KIAA0586: variants seen among roughly 807,000 people sequenced by gnomAD.
KIAA0586 encodes the protein protein TALPID3.
Under a neutral mutation model 169.8 loss-of-function variants are expected in KIAA0586, and 144 were observed. The observed-to-expected ratio is 0.85, with a 90% CI of 0.74 to 0.97. The LOEUF (loss-of-function observed/expected upper bound fraction) is 0.97. Ranked by LOEUF, KIAA0586 falls within the 50% of genes least tolerant of loss-of-function variation. KIAA0586 has a pLI of 0.00. For missense variants in KIAA0586, 1,854 were observed against 1,823.0 expected (o/e 1.02, Z -0.31); for synonymous variants, 625 against 612.4 (o/e 1.02, Z -0.30).
intron 29 of KIAA0586, among the ~76,000 whole-genome samples, chr14:58,532,971 C>T (rs1316441514): frequency 6.6e-6 from 1 of 152,178 alleles, no homozygotes; most frequent in Non-Finnish European, 1.5e-5. Context: ...CACTTGTCAG[C>T]TCAGAATGGT....
At chr14:58,440,050 T>TTG (rs2038176895) in intron 4 of KIAA0586, 1 of 106,302 alleles carries the variant, frequency 9.4e-6, no homozygotes, top group African/African-American at 3.7e-5. Flanking sequence ...TAATTTTTAA[T>TTG]TTTTTTTTTT....
intron 4 of KIAA0586, among the ~76,000 whole-genome samples, chr14:58,434,656 A>G (rs1595076169): frequency 6.6e-6 from 1 of 152,346 alleles, no homozygotes; most frequent in Non-Finnish European, 1.5e-5. Flanking sequence ...ATGTTAAAAG[A>G]TTAATACACA....
At chr14:58,431,030 G>A (rs551813803) in intron 3 of KIAA0586, among the ~76,000 whole-genome samples, 5 of 152,248 alleles carry the variant, frequency 3.3e-5, no homozygotes, top group South Asian at 2.1e-4. Context: ...TTAGCATAAT[G>A]TTTTAAAGGT....
At chr14:58,536,364 G>A (rs931422674) in intron 29 of KIAA0586, among the ~76,000 whole-genome samples, 5 of 151,988 alleles carry the variant, frequency 3.3e-5, no homozygotes, top group African/African-American at 7.3e-5. Flanking sequence ...TGTACCCATT[G>A]TTTAGCTCCC....
Position 58,433,704 on chromosome 14 carries a change from G to A in KIAA0586, c.410+1247G>A, listed in dbSNP as rs147097313. Among the ~76,000 whole-genome samples the A allele has an allele frequency of 2.0e-3, 301 of 152,248 alleles. 1 individual carries two copies. The highest frequency in any genetic ancestry group is 7.1e-3 in the African/African-American group (293 of 41,556). ...AACAGTCAATTTTAGAAATTTAGCA[G>A]GAAAATAATTTCTTATAAAAGCTGA... On this transcript the variant is annotated intron_variant, in intron 4 of 30. Transcript: ENST00000652326.
Position 58,548,201 on chromosome 14 carries a change from C to T in KIAA0586, c.*269C>T, listed in dbSNP as rs952006223. ...AAGGGCATGGCTTTTGACATCTAGGCATTTAATCTATAGGTGTAATTATCT... is the reference window on the plus strand; with the variant it reads ...AAGGGCATGGCTTTTGACATCTAGGTATTTAATCTATAGGTGTAATTATCT... On this transcript the variant is annotated 3_prime_UTR_variant, in exon 31 of 31. Transcript: ENST00000652326. 3.6e-5 allele frequency: 12 copies of T among 335,360 alleles called. No individual in the cohort carries two copies. In the Admixed American group the frequency reaches 4.6e-4, roughly 13 times the overall value. The allele number at this position is 335,360 out of a possible 1,614,324, so 20.8% of individuals were successfully genotyped here.
intron 27 of KIAA0586, among the ~76,000 whole-genome samples, chr14:58,499,637 C>T (rs1365827599): frequency 1.3e-5 from 2 of 152,064 alleles, no homozygotes; most frequent in African/African-American, 4.8e-5. Context: ...CGGCTCACTG[C>T]AACCCCTGCC....
intron 11 of KIAA0586, 128 bp downstream of exon 11, chr14:58,458,107 A>C: frequency 1.5e-6 from 1 of 646,464 alleles, no homozygotes; most frequent in Non-Finnish European, 2.6e-6. Context: ...TTGACTTTGA[A>C]GATGTGGAAC....
intron 29 of KIAA0586, among the ~76,000 whole-genome samples, chr14:58,527,570 G>GA (rs1445189536): frequency 6.6e-6 from 1 of 152,162 alleles, no homozygotes; most frequent in Admixed American, 6.5e-5. Context: ...TTAAATAAAA[G>GA]AATTTTCAAC....
intron 4 of KIAA0586, among the ~76,000 whole-genome samples, chr14:58,437,235 A>G (rs2037904779): frequency 6.6e-6 from 1 of 152,134 alleles, no homozygotes; most frequent in Admixed American, 6.5e-5. Context: ...CATTAATTAG[A>G]TATGAGGGTA....
intron 8 of KIAA0586, among the ~76,000 whole-genome samples, chr14:58,452,366 C>A (rs186150851): frequency 2.6e-5 from 4 of 152,242 alleles, no homozygotes; most frequent in African/African-American, 9.6e-5. Flanking sequence ...TTAAACTAAA[C>A]ACTTTAATTC....
At chr14:58,464,009 C>A in intron 14 of KIAA0586, 1 of 451,980 alleles carries the variant, frequency 2.2e-6, no homozygotes. Flanking sequence ...GCAGCAGATG[C>A]AAGATAAATT....
rs2041717594 is a variant in KIAA0586, at chr14:58,477,304, TTTATATATTC to T, written c.2944+64_2944+73del. ...GACAAAAGCTTTAGTTCATCGTGGA[TTTATATATTC>T]CAGAGGTCAAGTAAATTCTCCAGTA... On this transcript the variant is annotated intron_variant, in intron 20 of 30. Transcript: ENST00000652326. 7 of 848,906 alleles carry T rather than the reference TTTATATATTC, an allele frequency of 8.2e-6. No homozygotes were observed. In the Middle Eastern group the frequency reaches 2.0e-3, roughly 237 times the overall value. The allele number at this position is 848,906 out of a possible 1,614,324, so 52.6% of individuals were successfully genotyped here. A position where few individuals can be genotyped will look rare whatever the true frequency, so the allele number is the denominator to read the frequency against.
intron 3 of KIAA0586, among the ~76,000 whole-genome samples, chr14:58,431,067 A>G (rs2037326346): frequency 6.6e-6 from 1 of 152,156 alleles, no homozygotes; most frequent in Non-Finnish European, 1.5e-5. Context: ...ATGTGTCAGA[A>G]TTTTCTTCTT....
chr14:58,496,461 C>T (rs139904267), intron 26 of KIAA0586, among the ~76,000 whole-genome samples: 2 of 152,248 alleles, frequency 1.3e-5, no homozygotes, highest in African/African-American at 2.4e-5. Flanking sequence ...TCATTAATTT[C>T]TGGGGAAAAC....
At chr14:58,508,937 A>T (rs2044195126) in intron 28 of KIAA0586, among the ~76,000 whole-genome samples, 1 of 152,170 alleles carries the variant, frequency 6.6e-6, no homozygotes, top group South Asian at 2.1e-4. Context: ...TAAATTAAAG[A>T]ATAAAATAAT....
chr14:58,508,661 A>C lies in KIAA0586; in HGVS notation c.4275A>C (p.Ala1425=), dbSNP rs1262547188. The part of the protein sequence containing the change: ...KLVLPTTLLT[A]QENDVNLPVA... ...TTCTTCCCACAACACTTCTGACAGC[A>C]CAAGAAAATGATGTTAATTTACCAG... The change falls in exon 28 of 31, where the codon GCA becomes GCC. Residue 1425 remains alanine, a synonymous_variant. Coordinates refer to ENST00000652326, the MANE Select transcript of KIAA0586 (RefSeq NM_001329943.3). The C allele has an allele frequency of 3.1e-6, 5 of 1,594,328 alleles. No homozygotes were observed. The highest frequency in any genetic ancestry group is 4.3e-6 in the Non-Finnish European group (5 of 1,169,758).
At chr14:58,537,796 T>C (rs543443963) in intron 29 of KIAA0586, among the ~76,000 whole-genome samples, 2,653 of 152,046 alleles carry the variant, frequency 0.017, 28 homozygotes, top group Non-Finnish European at 0.027. Flanking sequence ...TACAGGTGCC[T>C]GCCACCACGC....
At chr14:58,464,899 A>G (rs1190158650) in intron 14 of KIAA0586, among the ~76,000 whole-genome samples, 1 of 152,118 alleles carries the variant, frequency 6.6e-6, no homozygotes, top group East Asian at 1.9e-4. Context: ...GCTACTCAGA[A>G]CAGCGTACAT....
Sources: gnomAD v4.1 joint callset for allele counts (sites outside exome capture counted in the v4.1 genomes callset) on GRCh38, gnomAD v4.1.1 for gene constraint, MANE v1.5 for transcripts, NCBI Gene and HGNC (gene_info 2026-07-23, HGNC 2026-07-21) for gene names.